The following DHX38 variants were observed in gnomAD, a reference collection of about 807,000 sequenced individuals.
DHX38 encodes pre-mRNA-splicing factor ATP-dependent RNA helicase PRP16.
In DHX38, 100 loss-of-function variants were observed where a neutral mutation model predicts 153.1. The ratio of observed to expected loss-of-function variants is 0.65; its 90% confidence interval spans 0.56 to 0.77. The LOEUF (loss-of-function observed/expected upper bound fraction) is 0.77, where lower values mean the gene tolerates loss of function less well. DHX38 is among the 30% of genes least tolerant of loss of function. DHX38 has a pLI of 0.00. For missense variants in DHX38, 1,440 were observed against 1,654.0 expected, an observed-to-expected ratio of 0.87 and a Z score of 2.24; for synonymous variants, 650 against 631.7, an observed-to-expected ratio of 1.03 and a Z score of -0.43.
At position 72,103,980 on chromosome 16, in the gene DHX38, C is replaced by G; in HGVS notation, c.1859C>G (p.Ser620Ter). The G allele has an allele frequency of 6.2e-7, 1 of 1,614,216 alleles. No homozygotes were observed. The highest frequency in any genetic ancestry group is 8.5e-7 in the Non-Finnish European group (1 of 1,180,034). Residue 620 changes from serine (S) to a stop codon, truncating the protein, a stop_gained, in exon 14 of 27, where the codon TCA (serine) becomes TGA (stop). Coordinates refer to ENST00000268482, the MANE Select transcript of DHX38 (RefSeq NM_014003.4). LOFTEE classifies it high-confidence loss of function. ...GCCATCCGCTTTGAAGACTGCACTT[C>G]AGAGAACACCTTGATCAAATACATG... is the stretch of plus-strand genomic sequence containing the variant. ...GYAIRFEDCTSENTLIKYMTD... is the reference protein window; with the variant it reads ...GYAIRFEDCT
At chr16:72,100,038 T>C (rs1378511708) in intron 8 of DHX38, 151 bp downstream of exon 8, 1 of 1,092,804 alleles carries the variant, frequency 9.2e-7, no homozygotes, top group Non-Finnish European at 1.3e-6. Flanking sequence ...GAGTGGGTGA[T>C]GAGCCTTTTA....
At chr16:72,109,090 G>T (rs977013581) in intron 24 of DHX38, among the ~76,000 whole-genome samples, 165 bp downstream of exon 24, 1 of 152,236 alleles carries the variant, frequency 6.6e-6, no homozygotes, top group Non-Finnish European at 1.5e-5. Flanking sequence ...ACTTGGGGAA[G>T]CTCTGCACAG....
At chr16:72,110,615 A>G (rs2042243454) in intron 25 of DHX38, among the ~76,000 whole-genome samples, 1 of 152,168 alleles carries the variant, frequency 6.6e-6, no homozygotes, top group Non-Finnish European at 1.5e-5. Flanking sequence ...CTTGCATCTT[A>G]TGCCTGTCTC....
At chr16:72,103,311 A>C (rs2042125825) in intron 12 of DHX38, 100 bp downstream of exon 12, 2 of 1,466,428 alleles carry the variant, frequency 1.4e-6, no homozygotes, top group African/African-American at 1.4e-5. Flanking sequence ...CATTGCACCC[A>C]GTGGAGAAGG....
chr16:72,110,902 C>T, intron 25 of DHX38, 54 bp from the exon 26 acceptor site: 1 of 1,522,734 alleles, frequency 6.6e-7, no homozygotes, highest in East Asian at 2.5e-5. Context: ...CCGACGAGGC[C>T]TCCTTCCTTA....
chr16:72,108,986 C>G (rs2042222197), intron 24 of DHX38, 61 bp downstream of exon 24: 1 of 1,532,058 alleles, frequency 6.5e-7, no homozygotes, highest in African/African-American at 1.4e-5. Context: ...GCTTTGAAAC[C>G]CTTCACTGCG....
intron 8 of DHX38, 37 bp from the exon 9 acceptor site, chr16:72,100,399 T>C: frequency 6.2e-7 from 1 of 1,604,420 alleles, no homozygotes; most frequent in Non-Finnish European, 8.5e-7. Context: ...ACCTTTGGGG[T>C]GGCAATTTGA....
rs752237604 is a variant in DHX38, at chr16:72,103,634, C to T, written c.1670C>T (p.Thr557Met). The change falls in exon 13 of 27, where the codon ACG (threonine) becomes ATG (methionine). Residue 557 changes from threonine to methionine, a missense_variant. Around this residue, in one of 6 missense-constraint regions of DHX38, gnomAD observed 241 missense variants for 229.5 expected, o/e 1.05. Transcript: ENST00000268482. Reference sequence around the variant, plus strand: ...AGCATCGTGATCGTGGTTGGGGAGACGGGGAGTGGTAAGACCACTCAGCTG... The same window carrying T: ...AGCATCGTGATCGTGGTTGGGGAGATGGGGAGTGGTAAGACCACTCAGCTG... The part of the protein sequence containing the change: ...DNSIVIVVGE[T>M]GSGKTTQLTQ... The T allele has an allele frequency of 1.1e-5, 17 of 1,611,904 alleles. No homozygotes were observed. Among genetic ancestry groups the T allele is most frequent in the Admixed American group, 1.7e-5 (1 of 59,990 alleles).
At chr16:72,112,171 CT>C (rs2042265250) in intron 26 of DHX38, 6 of 567,500 alleles carry the variant, frequency 1.1e-5, no homozygotes, top group Non-Finnish European at 1.9e-5. Flanking sequence ...CCCCTAGGGA[CT>C]GTGGGAGGAG....
chr16:72,099,939 G>A (rs368699241), intron 8 of DHX38, 52 bp downstream of exon 8: 34 of 1,552,706 alleles, frequency 2.2e-5, no homozygotes, highest in South Asian at 1.2e-4. Context: ...GGTAGAGCAC[G>A]TGGGGAAGCA....
Position 72,105,045 on chromosome 16 carries a change from G to C in DHX38, c.2170G>C (p.Val724Leu), listed in dbSNP as rs766828382. The C allele has an allele frequency of 6.2e-7, 1 of 1,614,144 alleles. No individual in the cohort carries two copies. The highest frequency in any genetic ancestry group is 8.5e-7 in the Non-Finnish European group (1 of 1,180,018). Residue 724 changes from valine (V) to leucine (L), a missense_variant, in exon 16 of 27, where the codon GTG becomes CTG. Coordinates refer to ENST00000268482, the MANE Select transcript of DHX38 (RefSeq NM_014003.4). ...LFSKTPQEDYVEAAVKQSLQV... is the reference protein window; with the variant it reads ...LFSKTPQEDYLEAAVKQSLQV... The stretch of plus-strand genomic sequence containing the variant: ...GTTGCAGACCCCACAGGAGGATTAC[G>C]TGGAGGCTGCAGTGAAGCAGTCCTT...
At position 72,108,265 on chromosome 16, in the gene DHX38, C is replaced by T; in HGVS notation, c.3003C>T (p.Phe1001=). The T allele has an allele frequency of 4.3e-6, 7 of 1,613,994 alleles. No homozygotes were observed. The highest frequency in any genetic ancestry group is 3.3e-5 in the South Asian group (3 of 91,064). ...EEESDQIREK[F]AVPESDHLTY... ...AGAGTGATCAAATCCGGGAGAAGTT[C>T]GCTGTTCCTGAGAGCGATCATTTGA... is the stretch of plus-strand genomic sequence containing the variant. The change falls in exon 22 of 27, where the codon TTC becomes TTT. Residue 1001 remains phenylalanine (F), a synonymous_variant. Coordinates refer to ENST00000268482, the MANE Select transcript of DHX38 (RefSeq NM_014003.4).
intron 11 of DHX38, among the ~76,000 whole-genome samples, chr16:72,102,771 C>G (rs1034314788): frequency 6.6e-6 from 1 of 152,184 alleles, no homozygotes; most frequent in Non-Finnish European, 1.5e-5. Flanking sequence ...ATTTCCACTC[C>G]TCTTCTGCTC....
intron 26 of DHX38, chr16:72,112,154 T>A: frequency 1.9e-6 from 1 of 520,920 alleles, no homozygotes; most frequent in South Asian, 2.7e-5. Context: ...AAGCTGCTTT[T>A]GTAGCTCCCC....
intron 25 of DHX38, 114 bp downstream of exon 25, chr16:72,109,624 T>TA: frequency 1.0e-6 from 1 of 981,760 alleles, no homozygotes; most frequent in South Asian, 1.9e-5. Context: ...TCTGCAAACA[T>TA]AAAGGCTGTG....
rs2042129803 is a variant in DHX38 at position 72,103,607 on chromosome 16, A to G, written c.1643A>G (p.Asn548Ser). ...TTGCCTGCTTGTCCTTGTAGAGACA[A>G]CAGCATCGTGATCGTGGTTGGGGAG... Reference protein sequence around the residue: ...QQELLTIIRDNSIVIVVGETG... With the variant: ...QQELLTIIRDSSIVIVVGETG... The change falls in exon 13 of 27, where the codon AAC (asparagine) becomes AGC (serine). Residue 548 changes from asparagine (N) to serine (S), a missense_variant. Coordinates refer to ENST00000268482, the MANE Select transcript of DHX38 (RefSeq NM_014003.4). The G allele has an allele frequency of 1.9e-6, 3 of 1,607,878 alleles. No homozygotes were observed. Among genetic ancestry groups the G allele is most frequent in the Admixed American group, 1.7e-5 (1 of 59,914 alleles).
intron 8 of DHX38, among the ~76,000 whole-genome samples, chr16:72,100,227 A>G (rs1411583164): frequency 6.6e-6 from 1 of 152,066 alleles, no homozygotes; most frequent in African/African-American, 2.4e-5. Context: ...TCTGATTTAG[A>G]TGAAAGGTGC....
In DHX38 at chr16:72,096,061, A is replaced by G. The variant is rs1033932819; in HGVS notation, c.-19-78A>G. 4 of 1,427,520 alleles carry G rather than the reference A, an allele frequency of 2.8e-6. No homozygotes were observed. In the Admixed American group the frequency reaches 6.9e-5, roughly 24 times the overall value. 88.4% of individuals were successfully genotyped at this position (1,427,520 alleles called of 1,614,324 possible). On this transcript the variant is annotated intron_variant, in intron 1 of 26. Coordinates refer to ENST00000268482, the MANE Select transcript of DHX38 (RefSeq NM_014003.4). The stretch of plus-strand genomic sequence containing the variant: ...GATGGGGAAGGTTAATCACCTACAT[A>G]TAACCATAACTGCATTTATTGTGGG...
rs989368491 is a variant in DHX38, at chr16:72,096,224, G to A, written c.67G>A (p.Gly23Ser). ...AGGCACTGATCTGGACTGTCAGGTT[G>A]GTGGTCTTATTTGCAAGTCCAAAAG... The part of the protein sequence containing the change: ...LEGTDLDCQV[G>S]GLICKSKSAA... Residue 23 changes from glycine (G) to serine (S), a missense_variant, in exon 2 of 27, where the codon GGT (glycine) becomes AGT (serine). By Grantham distance (56) the Gly-to-Ser change is moderately conservative (BLOSUM62 0). This residue lies in a region of DHX38 where 483 missense variants were observed against 465.1 expected (regional missense o/e 1.04). Coordinates refer to ENST00000268482, the MANE Select transcript of DHX38 (RefSeq NM_014003.4). 5 of 1,614,002 alleles carry A rather than the reference G, an allele frequency of 3.1e-6. No homozygotes were observed. The highest frequency in any genetic ancestry group is 1.7e-5 in the Admixed American group (1 of 60,010).
Sources: gnomAD v4.1 joint callset for allele counts (sites outside exome capture counted in the v4.1 genomes callset) on GRCh38, gnomAD v4.1.1 for gene constraint, gnomAD v4.1.1 regional missense constraint, MANE v1.5 for transcripts, NCBI Gene and HGNC (gene_info 2026-07-23, HGNC 2026-07-21) for gene names.